CAST: variants seen among roughly 807,000 people sequenced by gnomAD.
CAST encodes the protein calpastatin.
A neutral mutation model predicts 119.6 loss-of-function variants in CAST; 76 were observed. The ratio of observed to expected loss-of-function variants is 0.64; its 90% CI spans 0.53 to 0.77. The LOEUF (loss-of-function observed/expected upper bound fraction) is 0.77, where lower values mean the gene tolerates loss of function less well. Ranked by LOEUF, CAST falls within the 30% of genes least tolerant of loss-of-function variation. The pLI, the probability that CAST is intolerant of heterozygous loss-of-function variation, is 0.00. For missense variants in CAST, 953 were observed against 946.5 expected (o/e 1.01, Z -0.09); for synonymous variants, 319 against 331.6 (o/e 0.96, Z 0.41).
At chr5:96,377,016 G>A in the CAST span, among the ~76,000 whole-genome samples, 1 of 151,698 alleles carries the variant, frequency 6.6e-6, no homozygotes, top group African/African-American at 2.4e-5. Context: ...AAATTAAAAA[G>A]TAAAACAAAA....
chr5:96,002,919 G>A, the CAST span, among the ~76,000 whole-genome samples: 6 of 152,072 alleles, frequency 3.9e-5, no homozygotes, highest in African/African-American at 1.4e-4. Context: ...TCACTGAGTT[G>A]ACATTCACTT....
the CAST span, among the ~76,000 whole-genome samples, chr5:96,252,932 A>G: frequency 6.6e-6 from 1 of 152,090 alleles, no homozygotes; most frequent in Non-Finnish European, 1.5e-5. Context: ...AATTCCTATC[A>G]TTTGCCAGCT....
At chr5:96,168,489 G>C in the CAST span, among the ~76,000 whole-genome samples, 1 of 152,204 alleles carries the variant, frequency 6.6e-6, no homozygotes, top group Admixed American at 6.5e-5. Flanking sequence ...TTGCAAGAGT[G>C]AGGGCTTGAG....
chr5:96,540,339 T>G (rs1367317068), intron 1 of CAST, among the ~76,000 whole-genome samples: 4 of 152,156 alleles, frequency 2.6e-5, no homozygotes, highest in African/African-American at 9.6e-5. Context: ...TTTTTTTCCT[T>G]ATCGCACATT....
intron 2 of CAST, among the ~76,000 whole-genome samples, chr5:96,687,406 C>G (rs1752206138): frequency 1.3e-5 from 2 of 152,146 alleles, no homozygotes; most frequent in Non-Finnish European, 2.9e-5. Context: ...TTATAGATGT[C>G]TTGGATTGTT....
the CAST span, among the ~76,000 whole-genome samples, chr5:96,201,529 C>T: frequency 6.6e-6 from 1 of 152,038 alleles, no homozygotes; most frequent in Non-Finnish European, 1.5e-5. Context: ...ATTAAAAACC[C>T]ATATTCTCCT....
Position 96,741,262 on chromosome 5 carries a change from T to G in CAST, c.919-4T>G, listed in dbSNP as rs775696301. 3 of 1,592,566 alleles carry G rather than the reference T, an allele frequency of 1.9e-6. No homozygotes were observed. The highest frequency in any genetic ancestry group is 2.6e-6 in the Non-Finnish European group (3 of 1,161,310). ...GTTACCCATCACTGTGCCTGTTTCT[T>G]TAGAAACCCATAGGGCCAGATGATG... is the stretch of plus-strand genomic sequence containing the variant. On this transcript the variant is annotated splice_polypyrimidine_tract_variant and splice_region_variant and intron_variant, in intron 13 of 31. Coordinates refer to ENST00000675179, the MANE Select transcript of CAST (RefSeq NM_001750.7).
intron 1 of CAST, among the ~76,000 whole-genome samples, chr5:96,663,342 A>C (rs1034560164): frequency 6.6e-5 from 10 of 152,194 alleles, no homozygotes; most frequent in Admixed American, 2.0e-4. Context: ...GGGGAGAGGC[A>C]GGGGACTCAC....
At chr5:96,680,979 G>C (rs936609706) in intron 2 of CAST, among the ~76,000 whole-genome samples, 1 of 152,264 alleles carries the variant, frequency 6.6e-6, no homozygotes, top group African/African-American at 2.4e-5. Flanking sequence ...GGCTCACCGG[G>C]ATATCTAGCC....
chr5:96,715,980 G>A (rs1161592561), intron 3 of CAST, among the ~76,000 whole-genome samples: 1 of 152,116 alleles, frequency 6.6e-6, no homozygotes, highest in African/African-American at 2.4e-5. Context: ...ACTATACCTT[G>A]TTAGATGACT....
chr5:96,285,855 C>T, the CAST span, among the ~76,000 whole-genome samples: 1 of 152,146 alleles, frequency 6.6e-6, no homozygotes, highest in Non-Finnish European at 1.5e-5. Context: ...TGGTTATACT[C>T]AGTTCATTTT....
the CAST span, among the ~76,000 whole-genome samples, chr5:96,195,819 T>G: frequency 6.6e-6 from 1 of 152,236 alleles, no homozygotes; most frequent in Admixed American, 6.5e-5. Flanking sequence ...ACTCATTCTT[T>G]CCAGTCTCAA....
chr5:96,189,519 A>G, the CAST span, among the ~76,000 whole-genome samples: 1 of 152,132 alleles, frequency 6.6e-6, no homozygotes, highest in Non-Finnish European at 1.5e-5. Flanking sequence ...TTGATAGCTT[A>G]TGTCTTCCTT....
chr5:96,323,899 T>C, the CAST span, among the ~76,000 whole-genome samples: 2 of 152,228 alleles, frequency 1.3e-5, no homozygotes, highest in Admixed American at 1.3e-4. Flanking sequence ...GACCACGTGC[T>C]CTTTTCCATG....
intron 1 of CAST, among the ~76,000 whole-genome samples, chr5:96,624,290 A>G (rs955609345): frequency 5.3e-5 from 8 of 152,222 alleles, no homozygotes; most frequent in Admixed American, 2.0e-4. Context: ...TAGACAGTAG[A>G]GTGTTTCAAC....
intron 1 of CAST, among the ~76,000 whole-genome samples, chr5:96,553,578 T>TA (rs1746176678): frequency 6.6e-6 from 1 of 152,096 alleles, no homozygotes; most frequent in Non-Finnish European, 1.5e-5. Flanking sequence ...GAGAAGGCAA[T>TA]AAAGGTATTC....
intron 1 of CAST, among the ~76,000 whole-genome samples, chr5:96,662,819 G>A (rs1342540964): frequency 6.6e-6 from 1 of 152,220 alleles, no homozygotes; most frequent in East Asian, 1.9e-4. Flanking sequence ...CAGGACCCCC[G>A]AGTGAGTGGG....
the CAST span, among the ~76,000 whole-genome samples, chr5:96,492,942 A>G: frequency 3.9e-5 from 6 of 152,256 alleles, no homozygotes; most frequent in East Asian, 1.2e-3. Context: ...TTGACTTGGG[A>G]GTGGTGAAAA....
At chr5:96,744,968 G>A (rs999584725) in intron 16 of CAST, among the ~76,000 whole-genome samples, 3 of 152,176 alleles carry the variant, frequency 2.0e-5, no homozygotes, top group Admixed American at 2.0e-4. Context: ...AATTCAGTAG[G>A]CTCTTTTTTT....
Sources: allele counts gnomAD v4.1 joint callset (sites outside exome capture counted in the v4.1 genomes callset), GRCh38; gene constraint gnomAD v4.1.1; transcripts MANE v1.5; gene names NCBI Gene and HGNC (gene_info 2026-07-23, HGNC 2026-07-21).